Variants in C5 observed in about 807,000 individuals in gnomAD.
C5 encodes C3 and PZP-like alpha-2-macroglobulin domain-containing protein 4.
In C5, 140 loss-of-function variants were observed where a neutral mutation model predicts 218.8. The ratio of observed to expected loss-of-function variants is 0.64; its 90% CI spans 0.56 to 0.74. The LOEUF (loss-of-function observed/expected upper bound fraction) is 0.74, where lower values mean the gene tolerates loss of function less well. Among genes scored for constraint, C5 ranks in the 30% least tolerant of loss-of-function variants. C5 has a pLI of 0.00. For synonymous variants in C5, 614 were observed against 682.3 expected (o/e 0.90, Z 1.56); for missense variants, 1,700 against 1,969.6 (o/e 0.86, Z 2.59).
intron 25 of C5, among the ~76,000 whole-genome samples, chr9:120,987,658 GA>G (rs2047043716): frequency 6.8e-6 from 1 of 146,758 alleles, no homozygotes; most frequent in African/African-American, 2.5e-5. Flanking sequence ...AAAGAAAAAA[GA>G]AAAAAGAAAA....
the C5 span, among the ~76,000 whole-genome samples, chr9:121,071,390 TA>T: frequency 1.3e-4 from 20 of 149,588 alleles, no homozygotes; most frequent in African/African-American, 4.2e-4. Context: ...GAATAAAAAT[TA>T]AAAAAAAATC....
intron 20 of C5, 143 bp downstream of exon 20, chr9:121,005,776 T>C (rs1265476480): frequency 2.6e-6 from 2 of 770,500 alleles, no homozygotes; most frequent in Non-Finnish European, 4.4e-6. Context: ...ACACATATAG[T>C]ACAATGCTCA....
In C5 at chr9:121,023,415, A is replaced by G; in HGVS notation, c.1105T>C (p.Tyr369His). The G allele has an allele frequency of 6.3e-7, 1 of 1,595,702 alleles. No individual in the cohort carries two copies. Among genetic ancestry groups the G allele is most frequent in the Admixed American group, 1.7e-5 (1 of 60,010 alleles). ...TPLFLKPGIP[Y>H]PIKVQVKDSL... ...CTCACCCAATCTACCTTGATGGGAT[A>G]TGGAATCCCAGGCTTCAGGAAAAGA... is the stretch of plus-strand genomic sequence containing the variant. The change falls in exon 10 of 41, where the codon TAT becomes CAT. Residue 369 changes from tyrosine to histidine, a missense_variant. By Grantham distance (83) the Tyr-to-His change is moderately conservative. Transcript: ENST00000223642.
intron 12 of C5, among the ~76,000 whole-genome samples, chr9:121,018,438 G>C (rs1028079545): frequency 2.0e-5 from 3 of 151,284 alleles, no homozygotes; most frequent in Non-Finnish European, 4.4e-5. Context: ...GCCGGGCACT[G>C]TGGTGGGCAT....
intron 2 of C5, among the ~76,000 whole-genome samples, chr9:121,045,634 A>C (rs1712990743): frequency 6.6e-6 from 1 of 152,136 alleles, no homozygotes; most frequent in Non-Finnish European, 1.5e-5. Flanking sequence ...ATAAGTTGCA[A>C]GTATGTCTCT....
chr9:121,019,157 G>A (rs992669), intron 12 of C5, among the ~76,000 whole-genome samples: 79,442 of 151,638 alleles, frequency 0.52, 21,066 homozygotes, highest in East Asian at 0.75. Context: ...AAAAAATCAC[G>A]TGAAGCCAAA....
At chr9:120,996,409 G>A (rs1340894864) in intron 21 of C5, 109 bp from the exon 22 acceptor site, 1 of 928,102 alleles carries the variant, frequency 1.1e-6, no homozygotes, top group Admixed American at 1.8e-5. Flanking sequence ...TATTTTTCTT[G>A]GAAAAGGCAA....
chr9:121,009,478 G>A (rs113519896), intron 17 of C5, among the ~76,000 whole-genome samples: 6 of 152,370 alleles, frequency 3.9e-5, no homozygotes, highest in African/African-American at 1.4e-4. Flanking sequence ...TGTCTGGAAT[G>A]AGGGAGAGTT....
the C5 span, among the ~76,000 whole-genome samples, chr9:121,065,396 CAGTT>C: frequency 1.3e-4 from 20 of 152,310 alleles, no homozygotes; most frequent in Non-Finnish European, 2.8e-4. Context: ...TCTTGGAAAG[CAGTT>C]AGGTGGCAGG....
At chr9:120,980,487 T>C (rs140807868) in intron 27 of C5, among the ~76,000 whole-genome samples, 5 of 152,320 alleles carry the variant, frequency 3.3e-5, no homozygotes, top group Admixed American at 6.5e-5. Flanking sequence ...TTTTTGCCTC[T>C]GAATTCTCAC....
intron 18 of C5, among the ~76,000 whole-genome samples, chr9:121,007,688 T>G (rs1402566064): frequency 1.3e-5 from 2 of 152,182 alleles, no homozygotes; most frequent in Non-Finnish European, 2.9e-5. Flanking sequence ...AGTAAACAAG[T>G]CATTATAATA....
At chr9:121,058,700 A>G in the C5 span, among the ~76,000 whole-genome samples, 1 of 152,194 alleles carries the variant, frequency 6.6e-6, no homozygotes, top group Non-Finnish European at 1.5e-5. Flanking sequence ...CGGCTTCCCA[A>G]AGTGCTGGGA....
At chr9:121,041,297 CTT>C (rs386416117) in intron 3 of C5, among the ~76,000 whole-genome samples, 1 of 72,678 alleles carries the variant, frequency 1.4e-5, no homozygotes, top group Non-Finnish European at 2.4e-5. Context: ...TACATGAAGC[CTT>C]TTTTTTTTTT....
At chr9:120,986,227 T>C (rs1306967408) in intron 25 of C5, among the ~76,000 whole-genome samples, 1 of 151,986 alleles carries the variant, frequency 6.6e-6, no homozygotes, top group Non-Finnish European at 1.5e-5. Context: ...ATTTCATGTA[T>C]ATATATACTA....
At chr9:120,959,866 C>T (rs2046813887) in intron 38 of C5, among the ~76,000 whole-genome samples, 1 of 151,948 alleles carries the variant, frequency 6.6e-6, no homozygotes, top group African/African-American at 2.4e-5. Flanking sequence ...TTTTTAAAAA[C>T]CAAGCCCCCT....
intron 25 of C5, among the ~76,000 whole-genome samples, chr9:120,985,064 T>C (rs1382759799): frequency 6.6e-6 from 1 of 152,164 alleles, no homozygotes; most frequent in Non-Finnish European, 1.5e-5. Flanking sequence ...TTTGGTACTC[T>C]TGGGTGTCTC....
the C5 span, among the ~76,000 whole-genome samples, chr9:121,065,874 T>C: frequency 6.6e-6 from 1 of 151,904 alleles, no homozygotes; most frequent in Non-Finnish European, 1.5e-5. Flanking sequence ...AGCAAAAAGC[T>C]GAAAAGGATG....
intron 33 of C5, among the ~76,000 whole-genome samples, chr9:120,966,562 C>G (rs1228160377): frequency 1.3e-5 from 2 of 152,158 alleles, no homozygotes; most frequent in African/African-American, 2.4e-5. Context: ...GGCACTGATT[C>G]GAGCTCTGCC....
intron 29 of C5, among the ~76,000 whole-genome samples, chr9:120,975,791 G>A (rs372605756): frequency 6.6e-5 from 10 of 152,218 alleles, no homozygotes; most frequent in South Asian, 4.1e-4. Flanking sequence ...CCAGTGTGTC[G>A]TTTTTTCTGT....
Sources: allele counts gnomAD v4.1 joint callset (sites outside exome capture counted in the v4.1 genomes callset), GRCh38; gene constraint gnomAD v4.1.1; transcripts MANE v1.5; gene names NCBI Gene and HGNC (gene_info 2026-07-23, HGNC 2026-07-21).